SEMA3A: variants seen among roughly 807,000 people sequenced by gnomAD.
SEMA3A encodes the protein semaphorin-3A.
Under a neutral mutation model 97.9 loss-of-function variants are expected in SEMA3A, and 29 were observed. The observed-to-expected ratio is 0.30, with a 90% CI of 0.22 to 0.40. The LOEUF (loss-of-function observed/expected upper bound fraction) is 0.40. Among genes scored for constraint, SEMA3A ranks in the 10% least tolerant of loss-of-function variants. The probability of loss-of-function intolerance (pLI) is 1.00; values close to 1 mark genes in which losing one functional copy is unlikely to be tolerated. For synonymous variants in SEMA3A, 321 were observed against 323.7 expected, an observed-to-expected ratio of 0.99 and a Z score of 0.09; for missense variants, 763 against 951.3, an observed-to-expected ratio of 0.80 and a Z score of 2.60.
chr7:84,436,447 A>C (rs1805133057), intron 1 of SEMA3A, among the ~76,000 whole-genome samples: 1 of 152,168 alleles, frequency 6.6e-6, no homozygotes, highest in South Asian at 2.1e-4. Context: ...CAAAGATCTA[A>C]TATCCACAAT....
intron 2 of SEMA3A, among the ~76,000 whole-genome samples, chr7:84,333,364 T>C (rs1801950894): frequency 6.6e-6 from 1 of 152,142 alleles, no homozygotes; most frequent in Admixed American, 6.6e-5. Flanking sequence ...TTGACCATGA[T>C]GATATCGAAG....
At chr7:84,188,134 T>C (rs1363531362) in intron 1 of SEMA3A, among the ~76,000 whole-genome samples, 1 of 152,056 alleles carries the variant, frequency 6.6e-6, no homozygotes, top group Non-Finnish European at 1.5e-5. Context: ...TAATGACTCA[T>C]TCAGGAGATG....
chr7:84,230,509 C>G (rs565346391), intron 3 of SEMA3A, among the ~76,000 whole-genome samples: 5 of 152,074 alleles, frequency 3.3e-5, no homozygotes, highest in Non-Finnish European at 5.9e-5. Flanking sequence ...TTTATTGGTA[C>G]TTTCTCCTAT....
intron 14 of SEMA3A, 58 bp from the exon 15 acceptor site, chr7:83,977,254 T>C: frequency 2.0e-6 from 2 of 990,662 alleles, no homozygotes; most frequent in South Asian, 1.8e-5. Context: ...TTCTAGGAAT[T>C]TGTCATAAGA....
chr7:84,424,722 A>G (rs1222578916), intron 1 of SEMA3A, among the ~76,000 whole-genome samples: 2 of 98,410 alleles, frequency 2.0e-5, no homozygotes, highest in African/African-American at 8.5e-5. Context: ...TATATAAATT[A>G]TTTATATATT....
At chr7:84,196,103 C>T (rs1036149332), upstream of SEMA3A, among the ~76,000 whole-genome samples, 8 of 151,926 alleles carry the variant, frequency 5.3e-5, no homozygotes, top group African/African-American at 4.8e-5. Context: ...AATGATTCTG[C>T]CCTACCCCCT....
chr7:84,191,503 T>G (rs1798037628), intron 1 of SEMA3A, among the ~76,000 whole-genome samples: 2 of 151,820 alleles, frequency 1.3e-5, no homozygotes, highest in Admixed American at 6.6e-5. Flanking sequence ...TATTTTCTTG[T>G]GATTCATGCA....
chr7:84,237,509 A>G (rs1313787344), intron 3 of SEMA3A, among the ~76,000 whole-genome samples: 3 of 152,116 alleles, frequency 2.0e-5, no homozygotes, highest in Non-Finnish European at 4.4e-5. Flanking sequence ...GGGACAGACA[A>G]AAGTAATATT....
intron 5 of SEMA3A, among the ~76,000 whole-genome samples, chr7:84,055,279 A>G (rs1243516672): frequency 6.6e-6 from 1 of 152,110 alleles, no homozygotes; most frequent in East Asian, 1.9e-4. Flanking sequence ...AAGCCTGGGC[A>G]ATGGCGGGCG....
Position 84,007,404 on chromosome 7 carries a change from G to C in SEMA3A, c.1089C>G (p.Asn363Lys). The change falls in exon 10 of 17, where the codon AAC (asparagine) becomes AAG (lysine). Residue 363 changes from asparagine (N) to lysine (K), a missense_variant. Physicochemically the swap from Asn to Lys is moderately conservative, Grantham distance 94 (BLOSUM62 0). Coordinates refer to ENST00000265362, the MANE Select transcript of SEMA3A (RefSeq NM_006080.3). ...TTCCTTGATAAGGCACCCATTGATA[G>C]TTGGGTCCATCCCTGTGGGCATATG... ...LGPYAHRDGP[N>K]YQWVPYQGRV... The C allele has an allele frequency of 6.2e-7, 1 of 1,609,814 alleles. No individual in the cohort carries two copies. Among genetic ancestry groups the C allele is most frequent in the Admixed American group, 1.7e-5 (1 of 59,390 alleles).
At chr7:84,475,260 G>C (rs1220024827) in intron 1 of SEMA3A, among the ~76,000 whole-genome samples, 2 of 151,972 alleles carry the variant, frequency 1.3e-5, no homozygotes, top group Non-Finnish European at 2.9e-5. Flanking sequence ...TTTTGTCGTT[G>C]GTTTGTTTTT....
intron 5 of SEMA3A, among the ~76,000 whole-genome samples, chr7:84,055,173 C>G (rs1332782563): frequency 6.6e-6 from 1 of 152,120 alleles, no homozygotes; most frequent in Non-Finnish European, 1.5e-5. Flanking sequence ...CTGTGCCCTG[C>G]CCCCAGAGGT....
chr7:84,304,390 C>T (rs994961658), intron 3 of SEMA3A, among the ~76,000 whole-genome samples: 3 of 151,766 alleles, frequency 2.0e-5, no homozygotes, highest in Non-Finnish European at 2.9e-5. Flanking sequence ...ATAAAGAATG[C>T]TTTTCAAAGA....
chr7:84,244,630 A>G (rs1191182510), intron 3 of SEMA3A, among the ~76,000 whole-genome samples: 2 of 152,128 alleles, frequency 1.3e-5, no homozygotes, highest in Non-Finnish European at 2.9e-5. Flanking sequence ...TCCTGTCATC[A>G]TTATGCTAGG....
At chr7:84,021,459 T>TGTAGGCCCTTAA (rs1315542387) in intron 6 of SEMA3A, among the ~76,000 whole-genome samples, 2 of 152,230 alleles carry the variant, frequency 1.3e-5, no homozygotes, top group African/African-American at 4.8e-5. Context: ...ACTATCCGCA[T>TGTAGGCCCTTAA]GTAGGCCCTT....
At chr7:84,251,857 T>A (rs1205789412) in intron 3 of SEMA3A, among the ~76,000 whole-genome samples, 1 of 152,142 alleles carries the variant, frequency 6.6e-6, no homozygotes, top group Non-Finnish European at 1.5e-5. Context: ...AGCTACTGAT[T>A]AAAGAATGAG....
chr7:83,976,044 T>C (rs1218877566), intron 15 of SEMA3A, among the ~76,000 whole-genome samples: 1 of 152,126 alleles, frequency 6.6e-6, no homozygotes, highest in African/African-American at 2.4e-5. Context: ...TCAAAGTGGT[T>C]CCGAAACACT....
In SEMA3A at chr7:84,146,698, T is replaced by C. The variant is rs185326226; in HGVS notation, c.113-11747A>G. 6.6e-5 allele frequency among the ~76,000 whole-genome samples: 10 copies of C among 152,366 alleles called. No individual in the cohort carries two copies. The East Asian group carries it at 1.5e-3, about 23-fold the overall frequency. ...ATCGGTCACTCGTTTTTGTGTGAGA[T>C]GATTAGTCAGTAAAAATTTAGAATT... On this transcript the variant is annotated intron_variant, in intron 1 of 16. Transcript: ENST00000265362.
chr7:84,447,220 G>A (rs958380988), intron 1 of SEMA3A, among the ~76,000 whole-genome samples: 3 of 152,212 alleles, frequency 2.0e-5, no homozygotes, highest in Non-Finnish European at 2.9e-5. Flanking sequence ...GCGACCAATG[G>A]GAGGCTGAGG....
Sources: gnomAD v4.1 joint callset for allele counts (sites outside exome capture counted in the v4.1 genomes callset) on GRCh38, gnomAD v4.1.1 for gene constraint, MANE v1.5 for transcripts, NCBI Gene and HGNC (gene_info 2026-07-23, HGNC 2026-07-21) for gene names.